WDR49: variants seen among roughly 807,000 people sequenced by gnomAD.
WDR49 encodes the protein WD repeat domain 49.
A neutral mutation model predicts 119.5 loss-of-function variants in WDR49; 107 were observed. The ratio of observed to expected loss-of-function variants is 0.90; its 90% CI spans 0.77 to 1.05. The LOEUF (loss-of-function observed/expected upper bound fraction) is 1.05. WDR49 is among the 50% of genes least tolerant of loss of function. The pLI is 0.00. For synonymous variants in WDR49, 425 were observed against 418.8 expected, an observed-to-expected ratio of 1.01 and a Z score of -0.18; for missense variants, 1,240 against 1,220.5, an observed-to-expected ratio of 1.02 and a Z score of -0.24.
rs1474822242 is a variant in WDR49, at chr3:167,600,710, T to A, written c.1275+1417A>T. On this transcript the variant is annotated intron_variant, in intron 7 of 18. Transcript: ENST00000682715. Reference sequence around the variant, plus strand: ...ACAGGAGCACACAGAAAGAAACACCTACGTCTGCATAAGAGACTTCAAAAA... The same window carrying A: ...ACAGGAGCACACAGAAAGAAACACCAACGTCTGCATAAGAGACTTCAAAAA... Among the ~76,000 whole-genome samples, 10 of 152,186 alleles carry A rather than the reference T, an allele frequency of 6.6e-5. No individual in the cohort carries two copies. The East Asian group carries it at 1.9e-3, about 29-fold the overall frequency.
intron 15 of WDR49, 75 bp from the exon 16 acceptor site, chr3:167,522,559 T>C: frequency 1.4e-6 from 2 of 1,461,070 alleles, no homozygotes; most frequent in Non-Finnish European, 1.8e-6. Flanking sequence ...GTTTACCATG[T>C]GCTGGATTAC....
chr3:167,496,463 ATT>A (rs77157538), intron 18 of WDR49, among the ~76,000 whole-genome samples: 3 of 142,844 alleles, frequency 2.1e-5, no homozygotes, highest in African/African-American at 2.6e-5. Flanking sequence ...ATCCCCCGCT[ATT>A]TTTTTTTTTT....
intron 2 of WDR49, among the ~76,000 whole-genome samples, chr3:167,651,051 C>T (rs1449600460): frequency 1.3e-5 from 2 of 152,112 alleles, no homozygotes; most frequent in African/African-American, 4.8e-5. Context: ...TGCTTTATTC[C>T]TAAATGTTAC....
intron 6 of WDR49, 114 bp downstream of exon 6, chr3:167,604,187 C>A: frequency 8.2e-7 from 1 of 1,224,372 alleles, no homozygotes; most frequent in East Asian, 2.5e-5. Flanking sequence ...GTGAGCTTCT[C>A]GAGATGGTCT....
intron 7 of WDR49, among the ~76,000 whole-genome samples, chr3:167,586,605 A>G (rs920446492): frequency 3.9e-5 from 6 of 152,158 alleles, no homozygotes; most frequent in African/African-American, 1.2e-4. Context: ...TTCTAACTTA[A>G]CCCCAGTCCT....
At chr3:167,545,198 A>G (rs1004610015) in intron 10 of WDR49, among the ~76,000 whole-genome samples, 10 of 151,680 alleles carry the variant, frequency 6.6e-5, no homozygotes, top group Non-Finnish European at 1.2e-4. Flanking sequence ...AAAATATAAT[A>G]CATGTTGGCA....
In WDR49 at chr3:167,522,405, T is replaced by C; in HGVS notation, c.2684A>G (p.Glu895Gly). 1.2e-6 allele frequency: 2 copies of C among 1,611,718 alleles called. No homozygotes were observed. Among genetic ancestry groups the C allele is most frequent in the African/African-American group, 1.3e-5 (1 of 74,884 alleles). Residue 895 changes from glutamate to glycine, a missense_variant, in exon 16 of 19, where the codon GAA (glutamate) becomes GGA (glycine). By Grantham distance (98) the Glu-to-Gly change is moderately conservative. Coordinates refer to ENST00000682715, the MANE Select transcript of WDR49 (RefSeq NM_001366157.1). Reference protein sequence around the residue: ...TNLVESEIQKEISLFSKEESC... With the variant: ...TNLVESEIQKGISLFSKEESC... ...TTCCTCCTTAGAAAATAAAGAAATT[T>C]CCTTTTGAATCTCACTTTCCACTAA... is the stretch of plus-strand genomic sequence containing the variant.
chr3:167,596,376 A>G (rs1398460228), intron 7 of WDR49, among the ~76,000 whole-genome samples: 1 of 150,508 alleles, frequency 6.6e-6, no homozygotes, highest in Non-Finnish European at 1.5e-5. Context: ...CTGGGTATAT[A>G]CCCAAAGGAC....
chr3:167,496,442 A>G (rs1346927049), intron 18 of WDR49, among the ~76,000 whole-genome samples: 1 of 150,828 alleles, frequency 6.6e-6, no homozygotes, highest in Non-Finnish European at 1.5e-5. Flanking sequence ...CCACTCCTCT[A>G]CCAGAGTATC....
At chr3:167,625,636 T>G (rs568361241) in intron 3 of WDR49, among the ~76,000 whole-genome samples, 1 of 152,074 alleles carries the variant, frequency 6.6e-6, no homozygotes, top group South Asian at 2.1e-4. Flanking sequence ...TTCATGGATC[T>G]AGGAATAATC....
chr3:167,499,078 T>C (rs1260101661), intron 18 of WDR49, among the ~76,000 whole-genome samples: 4 of 152,022 alleles, frequency 2.6e-5, no homozygotes, highest in Non-Finnish European at 1.5e-5. Context: ...CAAAGAGAAA[T>C]TCTAAGAAAA....
chr3:167,548,542 A>C (rs1215579155), intron 10 of WDR49, among the ~76,000 whole-genome samples: 20 of 151,802 alleles, frequency 1.3e-4, no homozygotes, highest in Admixed American at 1.1e-3. Context: ...GCTAACTCTT[A>C]AGTAGTCTAT....
At chr3:167,638,165 T>C (rs1417390814) in intron 2 of WDR49, among the ~76,000 whole-genome samples, 1 of 151,630 alleles carries the variant, frequency 6.6e-6, no homozygotes, top group Admixed American at 6.6e-5. Flanking sequence ...CATTAAAAGG[T>C]ATCTTGTATG....
intron 10 of WDR49, among the ~76,000 whole-genome samples, chr3:167,552,362 G>T (rs1241511217): frequency 6.6e-6 from 1 of 152,146 alleles, no homozygotes; most frequent in African/African-American, 2.4e-5. Context: ...AAGTTAGAAG[G>T]CTGTGGCATT....
intron 16 of WDR49, among the ~76,000 whole-genome samples, chr3:167,521,833 T>G (rs1177755934): frequency 6.6e-6 from 1 of 152,134 alleles, no homozygotes; most frequent in African/African-American, 2.4e-5. Flanking sequence ...GAAGAACGTC[T>G]GAGCAACATA....
chr3:167,592,983 C>G (rs1457707837), intron 7 of WDR49, among the ~76,000 whole-genome samples: 2 of 152,156 alleles, frequency 1.3e-5, no homozygotes. Context: ...TATTGAAGCT[C>G]TATTTTATGT....
chr3:167,574,052 GT>G (rs916243269), intron 8 of WDR49, among the ~76,000 whole-genome samples: 1 of 152,166 alleles, frequency 6.6e-6, no homozygotes, highest in Non-Finnish European at 1.5e-5. Context: ...AAGCACTTCG[GT>G]TTTTACCTCT....
intron 5 of WDR49, among the ~76,000 whole-genome samples, chr3:167,612,665 GT>G (rs1244911502): frequency 5.3e-5 from 8 of 152,248 alleles, no homozygotes; most frequent in Non-Finnish European, 1.0e-4. Context: ...TCAGAAGATT[GT>G]TAATGGCTAC....
At chr3:167,569,774 T>A (rs535138113) in intron 8 of WDR49, among the ~76,000 whole-genome samples, 1 of 152,252 alleles carries the variant, frequency 6.6e-6, no homozygotes, top group East Asian at 1.9e-4. Flanking sequence ...AAATATATAT[T>A]CACTTGTTTA....
Sources: allele counts gnomAD v4.1 joint callset (sites outside exome capture counted in the v4.1 genomes callset), GRCh38; gene constraint gnomAD v4.1.1; transcripts MANE v1.5; gene names NCBI Gene and HGNC (gene_info 2026-07-23, HGNC 2026-07-21).